FAM167A: variants seen among roughly 807,000 people sequenced by gnomAD.
FAM167A encodes family with sequence similarity 167 member A, also known as protein FAM167A.
FAM167A carries 23 observed loss-of-function variants against 14.9 expected under a neutral mutation model. The ratio of observed to expected loss-of-function variants is 1.55; its 90% CI spans 1.11 to 2.19. The LOEUF is 2.19. Among genes scored for constraint, FAM167A ranks in the 30% most tolerant of loss-of-function variants. The pLI is 0.00. For missense variants in FAM167A, 401 were observed against 281.5 expected, an observed-to-expected ratio of 1.42 and a Z score of -3.04; for synonymous variants, 174 against 117.7, an observed-to-expected ratio of 1.48 and a Z score of -3.10.
chr8:11,435,601 C>T (rs1200592349), intron 2 of FAM167A, among the ~76,000 whole-genome samples: 6 of 152,142 alleles, frequency 3.9e-5, no homozygotes, highest in Admixed American at 1.3e-4. Context: ...CCGGGCTGAC[C>T]GCCACCCTCT....
intron 1 of FAM167A, among the ~76,000 whole-genome samples, chr8:11,465,219 G>A (rs1175839679): frequency 3.9e-5 from 6 of 152,154 alleles, no homozygotes; most frequent in South Asian, 4.2e-4. Flanking sequence ...TGAGCCCCAC[G>A]ACACAGTTCT....
chr8:11,437,015 C>T (rs1333894733), intron 2 of FAM167A, among the ~76,000 whole-genome samples: 2 of 152,300 alleles, frequency 1.3e-5, no homozygotes, highest in South Asian at 2.1e-4. Context: ...ATTTTCTGCC[C>T]CAGCCTCCAG....
intron 2 of FAM167A, among the ~76,000 whole-genome samples, chr8:11,431,008 C>T (rs1006198217): frequency 1.1e-4 from 17 of 152,068 alleles, no homozygotes; most frequent in Non-Finnish European, 2.5e-4. Flanking sequence ...CATGGCGGGT[C>T]CCGGAAAGTT....
intron 1 of FAM167A, among the ~76,000 whole-genome samples, chr8:11,455,935 T>TGTATGG (rs1807253652): frequency 1.5e-5 from 2 of 131,076 alleles, no homozygotes; most frequent in Non-Finnish European, 3.2e-5. Context: ...CTGCTGGGTG[T>TGTATGG]GCGTGAATGT....
Position 11,424,294 on chromosome 8 carries a change from T to A in FAM167A, c.*79A>T. On this transcript the variant is annotated 3_prime_UTR_variant, in exon 3 of 3. Coordinates refer to ENST00000284486, the MANE Select transcript of FAM167A (RefSeq NM_053279.3). ...CCTGCCTCCGGGAGACCCACTGGAGTAACTTGGCCTCAGCTTCCTCTGACA... is the reference window on the plus strand; with the variant it reads ...CCTGCCTCCGGGAGACCCACTGGAGAAACTTGGCCTCAGCTTCCTCTGACA... The A allele has an allele frequency of 6.3e-7, 1 of 1,574,952 alleles. No individual in the cohort carries two copies. Among genetic ancestry groups the A allele is most frequent in the Non-Finnish European group, 8.6e-7 (1 of 1,157,094 alleles).
At chr8:11,470,649 T>C (rs1370186370), upstream of FAM167A, among the ~76,000 whole-genome samples, 1 of 152,162 alleles carries the variant, frequency 6.6e-6, no homozygotes, top group African/African-American at 2.4e-5. Context: ...TTGAAGGCGA[T>C]TCCTGGATTC....
upstream of FAM167A, among the ~76,000 whole-genome samples, chr8:11,468,095 C>G (rs551834933): frequency 2.4e-4 from 37 of 152,356 alleles, 1 homozygote; most frequent in Non-Finnish European, 4.4e-4. Context: ...TGCACGCAGT[C>G]TCCATACTGA....
intron 1 of FAM167A, among the ~76,000 whole-genome samples, chr8:11,448,962 T>C (rs1046537827): frequency 1.3e-5 from 2 of 152,252 alleles, no homozygotes; most frequent in South Asian, 2.1e-4. Context: ...TAAAGAGCTG[T>C]ACCCACCTGA....
chr8:11,440,028 A>G (rs980319673), intron 2 of FAM167A, among the ~76,000 whole-genome samples: 2 of 152,180 alleles, frequency 1.3e-5, no homozygotes, highest in African/African-American at 4.8e-5. Flanking sequence ...TCCTCAAGCA[A>G]TGCCCTCCCC....
chr8:11,444,997 T>C (rs1171689021), intron 1 of FAM167A, 189 bp from the exon 2 acceptor site: 17 of 663,898 alleles, frequency 2.6e-5, no homozygotes, highest in Admixed American at 6.3e-5. Flanking sequence ...TAATGAGCAA[T>C]TGAAAAATTG....
intron 1 of FAM167A, among the ~76,000 whole-genome samples, chr8:11,457,426 G>A (rs967706882): frequency 5.3e-5 from 8 of 151,840 alleles, no homozygotes; most frequent in Non-Finnish European, 4.4e-5. Context: ...TCATCTCCAC[G>A]CAAACCCCAG....
intron 1 of FAM167A, among the ~76,000 whole-genome samples, 187 bp downstream of exon 1, chr8:11,466,439 C>T (rs951950221): frequency 6.8e-6 from 1 of 146,810 alleles, no homozygotes; most frequent in East Asian, 1.9e-4. Flanking sequence ...CGCGGGAGCG[C>T]ATGAGCGGCC....
chr8:11,445,784 A>AC (rs1806749275), intron 1 of FAM167A, among the ~76,000 whole-genome samples: 1 of 151,656 alleles, frequency 6.6e-6, no homozygotes, highest in Non-Finnish European at 1.5e-5. Context: ...TCTGATTTGG[A>AC]CCCAGGTGGT....
chr8:11,475,152 G>A (rs922635629), intron 1 of FAM167A, among the ~76,000 whole-genome samples: 1 of 152,132 alleles, frequency 6.6e-6, no homozygotes, highest in Non-Finnish European at 1.5e-5. Flanking sequence ...GGGGCTAACA[G>A]TTCTGCAGCC....
chr8:11,447,030 C>T (rs966586452), intron 1 of FAM167A, among the ~76,000 whole-genome samples: 10 of 152,244 alleles, frequency 6.6e-5, no homozygotes, highest in African/African-American at 2.4e-4. Context: ...CCCTGGTGGC[C>T]CACCCCCTCC....
At chr8:11,425,121 G>A (rs774260603) in intron 2 of FAM167A, among the ~76,000 whole-genome samples, 10 of 151,400 alleles carry the variant, frequency 6.6e-5, no homozygotes, top group South Asian at 2.1e-4. Context: ...CTCTTTAAAC[G>A]TTTTAGAATG....
intron 1 of FAM167A, among the ~76,000 whole-genome samples, chr8:11,472,701 G>A (rs1239130091): frequency 6.6e-6 from 1 of 152,168 alleles, no homozygotes; most frequent in African/African-American, 2.4e-5. Flanking sequence ...AAAGAGCCCT[G>A]AGTAGGAGCC....
At chr8:11,473,262 G>T (rs28377323) in intron 1 of FAM167A, among the ~76,000 whole-genome samples, 1 of 151,988 alleles carries the variant, frequency 6.6e-6, no homozygotes, top group African/African-American at 2.4e-5. Flanking sequence ...AAGGTGCAGA[G>T]GACAGACTGA....
Position 11,424,172 on chromosome 8 carries a change from C to T in FAM167A, c.*201G>A, listed in dbSNP as rs1180973657. 2 of 624,772 alleles carry T rather than the reference C, an allele frequency of 3.2e-6. No homozygotes were observed. The highest frequency in any genetic ancestry group is 5.5e-6 in the Non-Finnish European group (2 of 364,690). The allele number at this position is 624,772 out of a possible 1,614,324, so 38.7% of individuals were successfully genotyped here. On this transcript the variant is annotated 3_prime_UTR_variant, in exon 3 of 3. Coordinates refer to ENST00000284486, the MANE Select transcript of FAM167A (RefSeq NM_053279.3). ...AGCTCTTTGGGTAGTAAGCAAGAGC[C>T]AGTCACAGAGACACTGGCATCCACA...
Sources: gnomAD v4.1 joint callset for allele counts (sites outside exome capture counted in the v4.1 genomes callset) on GRCh38, gnomAD v4.1.1 for gene constraint, MANE v1.5 for transcripts, NCBI Gene and HGNC (gene_info 2026-07-23, HGNC 2026-07-21) for gene names.